The following IFT140 variants were observed in gnomAD, a reference collection of about 807,000 sequenced individuals.
The protein encoded by IFT140 is intraflagellar transport protein 140 homolog.
In IFT140, 133 loss-of-function variants were observed where a neutral mutation model predicts 164.6. The observed-to-expected ratio is 0.81, with a 90% CI of 0.70 to 0.93. The LOEUF is 0.93. Ranked by LOEUF, IFT140 falls within the 40% of genes least tolerant of loss-of-function variation. IFT140 has a pLI of 0.00. For missense variants in IFT140, 2,045 were observed against 1,972.3 expected, an observed-to-expected ratio of 1.04 and a Z score of -0.70; for synonymous variants, 860 against 817.3, an observed-to-expected ratio of 1.05 and a Z score of -0.89.
chr16:1,574,925 G>A (rs2034199846), intron 13 of IFT140, among the ~76,000 whole-genome samples: 1 of 152,210 alleles, frequency 6.6e-6, no homozygotes. Context: ...ACTAACAGCA[G>A]CCATGCATCT....
rs757199524 is a variant in IFT140 at position 1,523,847 on chromosome 16, G to T, written c.3251C>A (p.Ala1084Glu). 1.9e-6 allele frequency: 3 copies of T among 1,613,038 alleles called. No individual in the cohort carries two copies. The highest frequency in any genetic ancestry group is 2.2e-5 in the East Asian group (1 of 44,892). ...YEEKGVQMDRAVMLYHKAGHF... is the reference protein window; with the variant it reads ...YEEKGVQMDREVMLYHKAGHF... ...CCTCACCTTGTGGTACAGCATGACC[G>T]CCCTGTCCATCTGCACGCCCTTCTC... The change falls in exon 25 of 31, where the codon GCG becomes GAG. Residue 1084 changes from alanine (A) to glutamate (E), a missense_variant. Transcript: ENST00000426508.
intron 19 of IFT140, among the ~76,000 whole-genome samples, chr16:1,556,714 C>T (rs2033107902): frequency 6.6e-6 from 1 of 152,342 alleles, no homozygotes; most frequent in South Asian, 2.1e-4. Context: ...AGTTGACTTT[C>T]ATCTTCCCCT....
intron 19 of IFT140, among the ~76,000 whole-genome samples, chr16:1,538,709 G>A (rs747466295): frequency 2.0e-5 from 3 of 152,196 alleles, no homozygotes; most frequent in South Asian, 2.1e-4. Flanking sequence ...GCACAGCACC[G>A]TGCCACAGAT....
intron 4 of IFT140, among the ~76,000 whole-genome samples, chr16:1,601,627 C>T (rs560861465): frequency 6.6e-6 from 1 of 152,350 alleles, no homozygotes; most frequent in East Asian, 1.9e-4. Context: ...TGTCCTTGCA[C>T]TGTTCTTTCA....
At chr16:1,602,641 T>A in intron 3 of IFT140, 50 bp from the exon 4 acceptor site, 1 of 1,550,208 alleles carries the variant, frequency 6.5e-7, no homozygotes, top group Non-Finnish European at 8.8e-7. Flanking sequence ...GGACAGCTAC[T>A]TTTAAGAACT....
intron 19 of IFT140, among the ~76,000 whole-genome samples, chr16:1,539,469 C>T (rs913881664): frequency 1.3e-5 from 2 of 152,278 alleles, no homozygotes; most frequent in Non-Finnish European, 2.9e-5. Context: ...TCTGGCCCCA[C>T]GGCCACCTAT....
At chr16:1,598,466 A>C (rs1246272944) in intron 4 of IFT140, among the ~76,000 whole-genome samples, 1 of 152,174 alleles carries the variant, frequency 6.6e-6, no homozygotes, top group Non-Finnish European at 1.5e-5. Flanking sequence ...TCAAAAAAAA[A>C]ACAGAAACAC....
chr16:1,587,202 G>A lies in IFT140; in HGVS notation c.1005C>T (p.Val335=). ...ENMNCVCYCK[V]KGLLAAGTDR... ...TGCCAGGCCAGGAAGCCTCACCTTT[G>A]ACTTTACAGTAACACACACAGTTCA... The change falls in exon 9 of 31, where the codon GTC becomes GTT. Residue 335 remains valine (V), a synonymous_variant. Transcript: ENST00000426508. 4.4e-6 allele frequency: 7 copies of A among 1,600,950 alleles called. No homozygotes were observed. The highest frequency in any genetic ancestry group is 6.0e-6 in the Non-Finnish European group (7 of 1,168,192).
chr16:1,581,510 G>T (rs1330626312), intron 12 of IFT140, among the ~76,000 whole-genome samples: 1 of 151,602 alleles, frequency 6.6e-6, no homozygotes, highest in East Asian at 1.9e-4. Flanking sequence ...TGAGGCATGA[G>T]AATCGCTTGA....
At position 1,551,764 on chromosome 16, in the gene IFT140, C is replaced by T. The variant is rs1049963456; in HGVS notation, c.2399+6171G>A. ...CCTATACAAAGGAGGCCACACCACACGTGCGTGGTCCGGCAGATCCGGCAA... is the reference window on the plus strand; with the variant it reads ...CCTATACAAAGGAGGCCACACCACATGTGCGTGGTCCGGCAGATCCGGCAA... On this transcript the variant is annotated intron_variant, in intron 19 of 30. Transcript: ENST00000426508. The surrounding 1 kb of genome is among the most constrained non-coding windows in gnomAD (Gnocchi z 4.0). 2.0e-5 allele frequency among the ~76,000 whole-genome samples: 3 copies of T among 152,202 alleles called. No individual in the cohort carries two copies. The highest frequency in any genetic ancestry group is 1.5e-5 in the Non-Finnish European group (1 of 68,030).
chr16:1,559,309 A>G (rs1057394792), intron 18 of IFT140, among the ~76,000 whole-genome samples: 1 of 152,194 alleles, frequency 6.6e-6, no homozygotes, highest in Non-Finnish European at 1.5e-5. Flanking sequence ...CAGAATGGGT[A>G]CCCAGTTCGC....
intron 13 of IFT140, chr16:1,577,914 G>C (rs191104835): frequency 6.6e-6 from 1 of 152,208 alleles, no homozygotes; most frequent in East Asian, 1.9e-4. Flanking sequence ...CACATGCAAT[G>C]GGAGGAGTCA....
intron 26 of IFT140, 26 bp from the exon 27 acceptor site, chr16:1,520,834 G>T: frequency 1.9e-6 from 3 of 1,588,074 alleles, no homozygotes; most frequent in Non-Finnish European, 8.5e-7. Flanking sequence ...AATGGGACGG[G>T]GCTGCCGAGG....
intron 4 of IFT140, among the ~76,000 whole-genome samples, chr16:1,600,660 G>T (rs934329921): frequency 6.6e-6 from 1 of 152,124 alleles, no homozygotes; most frequent in African/African-American, 2.4e-5. Context: ...CCATATGGAA[G>T]AATCACCAGG....
rs904370778 is a variant in IFT140, at chr16:1,607,259, A to G, written c.8T>C (p.Leu3Pro). The stretch of plus-strand genomic sequence containing the variant: ...GGCTTCTATCTGGTGGTCATAATAG[A>G]GGGCCATGACGGAACTCAGGCCTCC... MA[L>P]YYDHQIEAPD... is the part of the protein sequence containing the mutation. Residue 3 changes from leucine (L) to proline (P), a missense_variant, in exon 3 of 31, where the codon CTC becomes CCC. Physicochemically the swap from Leu to Pro is moderately conservative, Grantham distance 98. Transcript: ENST00000426508. 4 of 1,613,902 alleles carry G rather than the reference A, an allele frequency of 2.5e-6. No homozygotes were observed. The highest frequency in any genetic ancestry group is 2.5e-6 in the Non-Finnish European group (3 of 1,179,906).
chr16:1,561,273 C>A (rs377717259), intron 18 of IFT140, among the ~76,000 whole-genome samples: 6 of 152,360 alleles, frequency 3.9e-5, no homozygotes, highest in African/African-American at 1.2e-4. Flanking sequence ...TTGATCAGCA[C>A]GCCCTCTCAG....
In IFT140 at chr16:1,520,045, C is replaced by T. The variant is rs986239975; in HGVS notation, c.3876G>A (p.Val1292=). ...CGTAGTTCTGGTATTCATCAATCTC[C>T]ACCTGTACAGATGAAACCCGTCAAG... ...LAGFYDACAQ[V]EIDEYQNYDK... is the part of the protein sequence containing the mutation. The change falls in exon 29 of 31, where the codon GTG becomes GTA. Residue 1292 remains valine (V), a splice_region_variant and synonymous_variant. Coordinates refer to ENST00000426508, the MANE Select transcript of IFT140 (RefSeq NM_014714.4). The T allele has an allele frequency of 3.1e-6, 5 of 1,604,402 alleles. No individual in the cohort carries two copies. Among genetic ancestry groups the T allele is most frequent in the Non-Finnish European group, 4.3e-6 (5 of 1,174,754 alleles).
intron 19 of IFT140, among the ~76,000 whole-genome samples, chr16:1,535,563 C>T (rs1474350863): frequency 2.6e-5 from 4 of 152,168 alleles, no homozygotes; most frequent in Admixed American, 6.5e-5. Context: ...GAGGGAGTCC[C>T]GGAGTACTGG....
At chr16:1,528,467 G>A (rs977431015) in intron 19 of IFT140, among the ~76,000 whole-genome samples, 2 of 148,862 alleles carry the variant, frequency 1.3e-5, no homozygotes, top group Non-Finnish European at 3.0e-5. Context: ...ACACACACAT[G>A]GATGCACACA....
Sources: allele counts gnomAD v4.1 joint callset (sites outside exome capture counted in the v4.1 genomes callset), GRCh38; gene constraint gnomAD v4.1.1; non-coding constraint Gnocchi (gnomAD v3.1); transcripts MANE v1.5; gene names NCBI Gene and HGNC (gene_info 2026-07-23, HGNC 2026-07-21).